Variants in ZNF337 observed in about 807,000 individuals in gnomAD.
ZNF337 encodes the protein zinc finger protein 337.
Under a neutral mutation model 12.1 loss-of-function variants are expected in ZNF337, and 8 were observed. That is an observed-to-expected ratio of 0.66 (90% CI 0.39 to 1.19). The LOEUF (loss-of-function observed/expected upper bound fraction) is 1.19, where lower values mean the gene tolerates loss of function less well. Among genes scored for constraint, ZNF337 ranks in the 50% most tolerant of loss-of-function variants. The pLI, the probability that ZNF337 is intolerant of heterozygous loss-of-function variation, is 0.01. For synonymous variants in ZNF337, 336 were observed against 320.0 expected (o/e 1.05, Z -0.53); for missense variants, 882 against 896.6 (o/e 0.98, Z 0.21).
intron 1 of ZNF337, chr20:25,686,911 C>G (rs1270107071): frequency 6.2e-6 from 1 of 160,628 alleles, no homozygotes. Flanking sequence ...TTATTCAGTA[C>G]TGTACAACAC....
rs202204921 is a variant in ZNF337, at chr20:25,675,785, G to A, written c.1503C>T (p.Ser501=). ...GTGCCCTCAGGTGCTTGTTATAGGA[G>A]GACTTATCCCGAAACCTTCGCCCAC... ...RECGRRFRDK[S]SYNKHLRAHL... Residue 501 remains serine, a synonymous_variant, in exon 5 of 5, where the codon TCC becomes TCT. Coordinates refer to ENST00000252979, the MANE Select transcript of ZNF337 (RefSeq NM_015655.4). 18 of 1,612,786 alleles carry A rather than the reference G, an allele frequency of 1.1e-5. No homozygotes were observed. The East Asian group carries it at 4.0e-4, about 36-fold the overall frequency.
At position 25,675,268 on chromosome 20, in the gene ZNF337, G is replaced by A. The variant is rs1168241564; in HGVS notation, c.2020C>T (p.His674Tyr). Residue 674 changes from histidine (H) to tyrosine (Y), a missense_variant, in exon 5 of 5, where the codon CAC becomes TAC. His to Tyr is a moderately conservative substitution (Grantham distance 83, BLOSUM62 2). Transcript: ENST00000252979. The stretch of plus-strand genomic sequence containing the variant: ...TCCTTTGAGTGTATCCGCCAGTGGT[G>A]TCTGGTGAGACTTCTCTTCCAGCTG... Reference protein sequence around the residue: ...GFSWKRSLTRHHWRIHSKEKP... With the variant: ...GFSWKRSLTRYHWRIHSKEKP... The A allele has an allele frequency of 6.2e-7, 1 of 1,614,042 alleles. No homozygotes were observed. Among genetic ancestry groups the A allele is most frequent in the East Asian group, 2.2e-5 (1 of 44,852 alleles).
In ZNF337 at chr20:25,676,060, C is replaced by G. The variant is rs1257728934; in HGVS notation, c.1228G>C (p.Glu410Gln). The G allele has an allele frequency of 6.2e-7, 1 of 1,614,210 alleles. No individual in the cohort carries two copies. The highest frequency in any genetic ancestry group is 8.5e-7 in the Non-Finnish European group (1 of 1,180,032). ...GTTGACTTTTGGCTAAAGCTTCGCT[C>G]ACAATCCTTGCACACAAAAGGCTTC... Reference protein sequence around the residue: ...GEKPFVCKDCERSFSQKSTLV... With the variant: ...GEKPFVCKDCQRSFSQKSTLV... Residue 410 changes from glutamate to glutamine, a missense_variant, in exon 5 of 5, where the codon GAG (glutamate) becomes CAG (glutamine). Physicochemically the swap from Glu to Gln is conservative, Grantham distance 29. Coordinates refer to ENST00000252979, the MANE Select transcript of ZNF337 (RefSeq NM_015655.4).
intron 1 of ZNF337, among the ~76,000 whole-genome samples, chr20:25,692,655 T>C (rs764581164): frequency 3.3e-5 from 5 of 152,188 alleles, no homozygotes; most frequent in African/African-American, 4.8e-5. Context: ...AGGGTGTGAA[T>C]GGAGAACACT....
At chr20:25,685,006 T>C (rs2065812020) in intron 4 of ZNF337, among the ~76,000 whole-genome samples, 1 of 151,816 alleles carries the variant, frequency 6.6e-6, no homozygotes, top group Admixed American at 6.6e-5. Flanking sequence ...AGGATAGCAT[T>C]AGGAGAAACA....
chr20:25,686,224 A>G (rs2065832024), intron 2 of ZNF337, 102 bp from the exon 3 acceptor site: 9 of 1,569,176 alleles, frequency 5.7e-6, no homozygotes, highest in Middle Eastern at 1.8e-4. Flanking sequence ...CTACTTGATG[A>G]GTGACACCCA....
Position 25,686,381 on chromosome 20 carries a change from G to A in ZNF337, c.27+10C>T, listed in dbSNP as rs752216113. 1 of 1,612,080 alleles carries A rather than the reference G, an allele frequency of 6.2e-7. No individual in the cohort carries two copies. Among genetic ancestry groups the A allele is most frequent in the Admixed American group, 1.7e-5 (1 of 60,006 alleles). ...GTGACAGCAAGAACGACAGTTCTGG[G>A]AAGTCTCACCTGTCTCCTGGCTCCC... On this transcript the variant is annotated intron_variant, in intron 2 of 4. Transcript: ENST00000252979.
intron 1 of ZNF337, 76 bp downstream of exon 1, chr20:25,696,683 T>G: frequency 1.1e-6 from 1 of 946,658 alleles, no homozygotes; most frequent in Non-Finnish European, 1.3e-6. Flanking sequence ...CGCCCTCACG[T>G]CCCAGGCCTT....
Position 25,673,518 on chromosome 20 carries a change from G to A in ZNF337, c.*1514C>T, listed in dbSNP as rs890476346. 1.3e-5 allele frequency among the ~76,000 whole-genome samples: 2 copies of A among 152,162 alleles called. No homozygotes were observed. The highest frequency in any genetic ancestry group is 2.9e-5 in the Non-Finnish European group (2 of 68,038). On this transcript the variant is annotated 3_prime_UTR_variant, in exon 5 of 5. Coordinates refer to ENST00000252979, the MANE Select transcript of ZNF337 (RefSeq NM_015655.4). ...GGTCTGTGGCTGGGAGCATGGCAGAGGCAATCTTGGGCATCCATGGAGATG... is the reference window on the plus strand; with the variant it reads ...GGTCTGTGGCTGGGAGCATGGCAGAAGCAATCTTGGGCATCCATGGAGATG...
At chr20:25,677,111 T>C (rs2065708582) in intron 4 of ZNF337, 74 bp from the exon 5 acceptor site, 2 of 1,188,036 alleles carry the variant, frequency 1.7e-6, no homozygotes, top group Admixed American at 2.8e-5. Flanking sequence ...CAGAACCATA[T>C]TGCTTTACTG....
chr20:25,685,449 G>T (rs2065819466), intron 4 of ZNF337, 118 bp downstream of exon 4: 11 of 775,502 alleles, frequency 1.4e-5, no homozygotes, highest in Non-Finnish European at 2.4e-5. Flanking sequence ...GGGCCAGGTG[G>T]TCTGAAGAGC....
Position 25,686,464 on chromosome 20 carries a change from A to G in ZNF337, c.-47T>C. On this transcript the variant is annotated splice_region_variant and 5_prime_UTR_variant, in exon 2 of 5. Transcript: ENST00000252979. ...GGAGAAGGGAAGCTTGCAGATGGCC[A>G]ATCTGTGGGAGGAGAGAAGTCAGAG... The G allele has an allele frequency of 8.7e-6, 14 of 1,611,186 alleles. No individual in the cohort carries two copies. Among genetic ancestry groups the G allele is most frequent in the Non-Finnish European group, 1.2e-5 (14 of 1,178,628 alleles).
chr20:25,685,129 AAAAG>A (rs1027424408), intron 4 of ZNF337, among the ~76,000 whole-genome samples: 9 of 152,112 alleles, frequency 5.9e-5, no homozygotes, highest in Non-Finnish European at 1.0e-4. Context: ...TTAAAAAAAA[AAAAG>A]AAAATCAGTA....
rs1359591403 is a variant in ZNF337, at chr20:25,675,840, G to T, written c.1448C>A (p.Ser483Ter). The change falls in exon 5 of 5, where the codon TCA (serine) becomes TAA (stop). Residue 483 changes from serine to a stop codon, truncating the protein, a stop_gained. Transcript: ENST00000252979. LOFTEE classifies it low-confidence loss of function (END_TRUNC). ...CCGACATCCATAAGGCTTCTCCTCT[G>T]AGTGTGTCCTCTGGTGTAAAGTGAA... ...STFTLHQRTHSEEKPYGCREC... is the reference protein window; with the variant it reads ...STFTLHQRTH 1 of 1,614,070 alleles carries T rather than the reference G, an allele frequency of 6.2e-7. No individual in the cohort carries two copies. The highest frequency in any genetic ancestry group is 8.5e-7 in the Non-Finnish European group (1 of 1,180,042).
chr20:25,675,661 G>A lies in ZNF337; in HGVS notation c.1627C>T (p.Pro543Ser). The A allele has an allele frequency of 1.2e-6, 2 of 1,614,128 alleles. No homozygotes were observed. Among genetic ancestry groups the A allele is most frequent in the South Asian group, 2.2e-5 (2 of 91,084 alleles). Residue 543 changes from proline (P) to serine (S), a missense_variant, in exon 5 of 5, where the codon CCC becomes TCC. Physicochemically the swap from Pro to Ser is moderately conservative, Grantham distance 74. Coordinates refer to ENST00000252979, the MANE Select transcript of ZNF337 (RefSeq NM_015655.4). ...TTCTCACACTGCTTGCACATGAAGG[G>A]CTTCTCTCCTGAGTGTGTCCTCTGA... Reference protein sequence around the residue: ...IHQRTHSGEKPFMCKQCEKSF... With the variant: ...IHQRTHSGEKSFMCKQCEKSF...
intron 4 of ZNF337, among the ~76,000 whole-genome samples, chr20:25,679,003 A>G (rs1356211290): frequency 8.8e-6 from 1 of 114,084 alleles, no homozygotes; most frequent in African/African-American, 6.4e-5. Context: ...ATAATCTACA[A>G]ATAAATCCAT....
intron 1 of ZNF337, among the ~76,000 whole-genome samples, chr20:25,696,126 G>A (rs1461492022): frequency 8.6e-6 from 1 of 115,738 alleles, no homozygotes; most frequent in Non-Finnish European, 1.6e-5. Context: ...AGACGTGCCC[G>A]TGCGAGGACA....
rs1412890245 is a variant in ZNF337, at chr20:25,674,762, AAT to A, written c.*268_*269del. 2.1e-6 allele frequency: 1 copy of A among 487,578 alleles called. No individual in the cohort carries two copies. Among genetic ancestry groups the A allele is most frequent in the Non-Finnish European group, 3.7e-6 (1 of 271,828 alleles). 30.2% of individuals were successfully genotyped at this position (487,578 alleles called of 1,614,324 possible). A position where few individuals can be genotyped will look rare whatever the true frequency, so the allele number is the denominator to read the frequency against. ...CACAGCCTGGCACAAATACAACAAG[AAT>A]ATGTGCTCAGTAGGAAAGAGACCAC... On this transcript the variant is annotated 3_prime_UTR_variant, in exon 5 of 5. Coordinates refer to ENST00000252979, the MANE Select transcript of ZNF337 (RefSeq NM_015655.4).
At chr20:25,686,514 C>A in intron 1 of ZNF337, 48 bp from the exon 2 acceptor site, 1 of 1,390,010 alleles carries the variant, frequency 7.2e-7, no homozygotes, top group South Asian at 1.3e-5. Context: ...GCTGCCCTCC[C>A]CATGTGTGAC....
Sources: allele counts gnomAD v4.1 joint callset (sites outside exome capture counted in the v4.1 genomes callset), GRCh38; gene constraint gnomAD v4.1.1; transcripts MANE v1.5; gene names NCBI Gene and HGNC (gene_info 2026-07-23, HGNC 2026-07-21).